PIK3C2G: variants seen among roughly 807,000 people sequenced by gnomAD.
The protein encoded by PIK3C2G is phosphatidylinositol 3-kinase C2 domain-containing subunit gamma.
In PIK3C2G, 168 loss-of-function variants were observed where a neutral mutation model predicts 181.1. The ratio of observed to expected loss-of-function variants is 0.93; its 90% CI spans 0.82 to 1.05. The LOEUF is 1.05. Among genes scored for constraint, PIK3C2G ranks in the 50% least tolerant of loss-of-function variants. The pLI, the probability that PIK3C2G is intolerant of heterozygous loss-of-function variation, is 0.00. For synonymous variants in PIK3C2G, 573 were observed against 592.2 expected (o/e 0.97, Z 0.47); for missense variants, 1,869 against 1,732.8 (o/e 1.08, Z -1.40).
At chr12:18,546,221 C>A (rs1366542123) in intron 25 of PIK3C2G, 102 bp from the exon 26 acceptor site, 6 of 688,528 alleles carry the variant, frequency 8.7e-6, no homozygotes, top group African/African-American at 1.8e-5. Context: ...GCCATGCAAA[C>A]TTGGGTCTAG....
At chr12:18,441,691 T>C (rs963727042) in intron 18 of PIK3C2G, among the ~76,000 whole-genome samples, 2 of 152,130 alleles carry the variant, frequency 1.3e-5, no homozygotes, top group African/African-American at 4.8e-5. Flanking sequence ...CTCTTTGTTT[T>C]CTGTATGCAA....
At chr12:18,313,472 A>G (rs1273105647) in intron 5 of PIK3C2G, among the ~76,000 whole-genome samples, 2 of 152,098 alleles carry the variant, frequency 1.3e-5, no homozygotes, top group Admixed American at 1.3e-4. Flanking sequence ...CGAGCTAGTA[A>G]ATCTGTCTCT....
At chr12:18,330,941 T>C (rs1937891695) in intron 8 of PIK3C2G, among the ~76,000 whole-genome samples, 1 of 152,232 alleles carries the variant, frequency 6.6e-6, no homozygotes, top group Non-Finnish European at 1.5e-5. Context: ...CTTTACAGTT[T>C]ATGCTTTCTT....
At chr12:18,497,313 C>T (rs1373641746) in intron 21 of PIK3C2G, among the ~76,000 whole-genome samples, 2 of 152,064 alleles carry the variant, frequency 1.3e-5, no homozygotes, top group Non-Finnish European at 2.9e-5. Flanking sequence ...CCTGTCTTTG[C>T]CAGACTTTGA....
Position 18,461,656 on chromosome 12 carries a change from A to T in PIK3C2G, c.2505-26793A>T, listed in dbSNP as rs114840665. 7.3e-3 allele frequency among the ~76,000 whole-genome samples: 1,116 copies of T among 152,254 alleles called. 7 individuals are homozygous for T. Among genetic ancestry groups the T allele is most frequent in the African/African-American group, 0.02 (832 of 41,540 alleles). ...AGTGTCTAATTGTTGAGATAATTGA[A>T]ATTAGTTGCTTTATAAAAGAAGCTC... On this transcript the variant is annotated intron_variant, in intron 18 of 32. Transcript: ENST00000538779.
intron 13 of PIK3C2G, among the ~76,000 whole-genome samples, chr12:18,376,963 CT>C (rs1333265781): frequency 1.3e-5 from 2 of 152,176 alleles, no homozygotes; most frequent in Admixed American, 1.3e-4. Context: ...GTAAACTTTT[CT>C]TAATAAATTA....
At chr12:18,640,704 T>A in intron 32 of PIK3C2G, 150 bp downstream of exon 32, 1 of 715,540 alleles carries the variant, frequency 1.4e-6, no homozygotes, top group Non-Finnish European at 2.3e-6. Context: ...TGCTGATCAC[T>A]CTTCTAGATG....
the PIK3C2G span, chr12:18,713,037 T>C: frequency 1.3e-6 from 2 of 1,595,226 alleles, no homozygotes; most frequent in Non-Finnish European, 8.6e-7. Flanking sequence ...ATTAAAAATA[T>C]ATACCAAAGT....
the PIK3C2G span, chr12:18,688,147 T>C: frequency 1.2e-6 from 2 of 1,611,738 alleles, no homozygotes; most frequent in Non-Finnish European, 1.7e-6. Flanking sequence ...CACCAAAAAC[T>C]TCTATAATTA....
At chr12:18,654,278 A>G in the PIK3C2G span, among the ~76,000 whole-genome samples, 2 of 131,310 alleles carry the variant, frequency 1.5e-5, no homozygotes, top group African/African-American at 6.0e-5. Flanking sequence ...CCATTTCCAA[A>G]AGAAACACTA....
At chr12:18,533,897 A>G (rs1265270012) in intron 24 of PIK3C2G, among the ~76,000 whole-genome samples, 1 of 151,156 alleles carries the variant, frequency 6.6e-6, no homozygotes, top group African/African-American at 2.4e-5. Context: ...GAAGGAAAAC[A>G]TGTGAAAGTA....
intron 18 of PIK3C2G, among the ~76,000 whole-genome samples, chr12:18,487,500 C>G (rs1304105964): frequency 6.6e-6 from 1 of 151,598 alleles, no homozygotes; most frequent in East Asian, 1.9e-4. Context: ...TCAGAGAAGG[C>G]AAAAACTAAA....
intron 1 of PIK3C2G, among the ~76,000 whole-genome samples, chr12:18,256,166 G>T (rs11835243): frequency 3.9e-5 from 6 of 151,946 alleles, no homozygotes; most frequent in Non-Finnish European, 8.8e-5. Flanking sequence ...TTGGAGCTGC[G>T]CATATTTTGT....
At chr12:18,428,344 A>C (rs1462371369) in intron 18 of PIK3C2G, among the ~76,000 whole-genome samples, 3 of 151,928 alleles carry the variant, frequency 2.0e-5, no homozygotes, top group Non-Finnish European at 4.4e-5. Flanking sequence ...TTAAAAAAAA[A>C]AAAAACTAGA....
At chr12:18,724,079 T>C in the PIK3C2G span, among the ~76,000 whole-genome samples, 1 of 152,120 alleles carries the variant, frequency 6.6e-6, no homozygotes, top group African/African-American at 2.4e-5. Context: ...ATTTGAACTT[T>C]ACGAGAAAAG....
chr12:18,305,221 C>G (rs1316205106), intron 5 of PIK3C2G, among the ~76,000 whole-genome samples: 4 of 152,130 alleles, frequency 2.6e-5, no homozygotes, highest in Non-Finnish European at 4.4e-5. Flanking sequence ...TATGTAGATA[C>G]TCTGTATATA....
At chr12:18,547,259 T>C (rs763878671) in intron 26 of PIK3C2G, among the ~76,000 whole-genome samples, 6 of 151,994 alleles carry the variant, frequency 3.9e-5, no homozygotes, top group Non-Finnish European at 7.4e-5. Context: ...TACTTTTTCT[T>C]TCACCCTTCC....
intron 18 of PIK3C2G, among the ~76,000 whole-genome samples, chr12:18,441,870 C>T (rs10770361): frequency 0.26 from 38,831 of 151,958 alleles, 5,422 homozygotes; most frequent in Admixed American, 0.36. Context: ...CATTGTGAAT[C>T]ATTCTATTTA....
Position 18,346,780 on chromosome 12 carries a change from C to T in PIK3C2G, c.1569C>T (p.Ser523=). The change falls in exon 11 of 33, where the codon TCC becomes TCT. Residue 523 remains serine, a synonymous_variant. Coordinates refer to ENST00000538779, the MANE Select transcript of PIK3C2G (RefSeq NM_001288772.2). The part of the protein sequence containing the change: ...CTSYLNPGLP[S]HLSFTVYAAH... ...CCTATCTAAATCCCGGGCTTCCTTC[C>T]CACCTCAGCTTCACAGTGTATGCAG... 1 of 1,613,704 alleles carries T rather than the reference C, an allele frequency of 6.2e-7. No individual in the cohort carries two copies. Among genetic ancestry groups the T allele is most frequent in the East Asian group, 2.2e-5 (1 of 44,852 alleles).
Sources: allele counts gnomAD v4.1 joint callset (sites outside exome capture counted in the v4.1 genomes callset), GRCh38; gene constraint gnomAD v4.1.1; transcripts MANE v1.5; gene names NCBI Gene and HGNC (gene_info 2026-07-23, HGNC 2026-07-21).